The following STARD13 variants were observed in gnomAD, a reference collection of about 807,000 sequenced individuals.
The protein encoded by STARD13 is StAR related lipid transfer domain containing 13, also known as stAR-related lipid transfer protein 13.
In STARD13, 62 loss-of-function variants were observed where a neutral mutation model predicts 106.4. The observed-to-expected ratio is 0.58, with a 90% CI of 0.48 to 0.72. The LOEUF (loss-of-function observed/expected upper bound fraction) is 0.72, where lower values mean the gene tolerates loss of function less well. Ranked by LOEUF, STARD13 falls within the 30% of genes least tolerant of loss-of-function variation. The pLI is 0.00. For synonymous variants in STARD13, 565 were observed against 553.0 expected, an observed-to-expected ratio of 1.02 and a Z score of -0.31; for missense variants, 1,387 against 1,424.0, an observed-to-expected ratio of 0.97 and a Z score of 0.42.
chr13:33,513,178 G>A, the STARD13 span, among the ~76,000 whole-genome samples: 2 of 152,064 alleles, frequency 1.3e-5, no homozygotes, highest in African/African-American at 4.8e-5. Context: ...AGTGAGATAG[G>A]GTAAAGGGTC....
At chr13:33,433,624 GCGT>G in the STARD13 span, among the ~76,000 whole-genome samples, 1 of 152,116 alleles carries the variant, frequency 6.6e-6, no homozygotes. Flanking sequence ...CAGACCTCTT[GCGT>G]TCTGTAGTTT....
chr13:33,523,024 C>G, the STARD13 span, among the ~76,000 whole-genome samples: 3 of 152,086 alleles, frequency 2.0e-5, no homozygotes, highest in Non-Finnish European at 4.4e-5. Flanking sequence ...ATCACGTGTG[C>G]TGAATATTTT....
the STARD13 span, among the ~76,000 whole-genome samples, chr13:33,567,474 C>T: frequency 6.7e-6 from 1 of 148,278 alleles, no homozygotes; most frequent in Non-Finnish European, 1.5e-5. Context: ...AGTGAAATTT[C>T]ATATAATTAA....
chr13:33,446,136 T>G, the STARD13 span, among the ~76,000 whole-genome samples: 1 of 152,186 alleles, frequency 6.6e-6, no homozygotes, highest in African/African-American at 2.4e-5. Context: ...AAACTATCAG[T>G]TGATGAAGAA....
the STARD13 span, among the ~76,000 whole-genome samples, chr13:33,367,243 T>A: frequency 6.6e-6 from 1 of 152,240 alleles, no homozygotes; most frequent in Non-Finnish European, 1.5e-5. Context: ...ACAAAATGTA[T>A]GTTAGACATA....
the STARD13 span, among the ~76,000 whole-genome samples, chr13:33,672,394 T>C: frequency 6.6e-6 from 1 of 152,002 alleles, no homozygotes; most frequent in Non-Finnish European, 1.5e-5. Context: ...GGGAGAGCAT[T>C]AGGACAAACA....
At chr13:33,605,549 G>A in the STARD13 span, among the ~76,000 whole-genome samples, 1 of 151,964 alleles carries the variant, frequency 6.6e-6, no homozygotes, top group Non-Finnish European at 1.5e-5. Context: ...GCTTTAACAG[G>A]TTTTAAGCAC....
chr13:33,554,142 A>G, the STARD13 span, among the ~76,000 whole-genome samples: 3 of 152,180 alleles, frequency 2.0e-5, no homozygotes, highest in Non-Finnish European at 2.9e-5. Flanking sequence ...AGCTATAATA[A>G]TTAAAATAGT....
At chr13:33,419,904 G>A in the STARD13 span, among the ~76,000 whole-genome samples, 1 of 152,174 alleles carries the variant, frequency 6.6e-6, no homozygotes, top group East Asian at 1.9e-4. Context: ...ACAAGCAAAT[G>A]CTGAGAGATT....
chr13:33,145,494 A>G (rs1028080123), intron 3 of STARD13, among the ~76,000 whole-genome samples: 7 of 151,942 alleles, frequency 4.6e-5, no homozygotes, highest in African/African-American at 1.7e-4. Flanking sequence ...TGCAAGATAA[A>G]AGAAATCACA....
the STARD13 span, among the ~76,000 whole-genome samples, chr13:33,404,260 CT>C: frequency 6.6e-6 from 1 of 152,194 alleles, no homozygotes; most frequent in African/African-American, 2.4e-5. Flanking sequence ...AACTGGATTT[CT>C]GCTGGCATAA....
At chr13:33,491,863 T>A in the STARD13 span, among the ~76,000 whole-genome samples, 1 of 152,208 alleles carries the variant, frequency 6.6e-6, no homozygotes, top group Admixed American at 6.5e-5. Context: ...TTGAATGTTT[T>A]CACTCGCGTC....
intron 1 of STARD13, among the ~76,000 whole-genome samples, chr13:33,337,591 T>C (rs9537249): frequency 0.73 from 111,612 of 152,122 alleles, 41,780 homozygotes; most frequent in East Asian, 0.97. Flanking sequence ...TAAAATAAAA[T>C]AAACACTTTC....
At chr13:33,176,327 C>T (rs1251458229) in intron 1 of STARD13, among the ~76,000 whole-genome samples, 16 of 152,222 alleles carry the variant, frequency 1.1e-4, no homozygotes, top group East Asian at 3.9e-4. Flanking sequence ...GATTTTTCAA[C>T]GTGTCTTTGC....
At position 33,285,660 on chromosome 13, in the gene STARD13, A is replaced by G; in HGVS notation, c.-22T>C. 1 of 1,610,474 alleles carries G rather than the reference A, an allele frequency of 6.2e-7. No homozygotes were observed. Among genetic ancestry groups the G allele is most frequent in the Non-Finnish European group, 8.5e-7 (1 of 1,178,994 alleles). ...ACATCTCGGCAGATTTCCTATTGCC[A>G]CCTCAGTCTGCCTGTGGCTGTTGCC... On this transcript the variant is annotated 5_prime_UTR_variant, in exon 1 of 14. Coordinates refer to ENST00000336934, the MANE Select transcript of STARD13 (RefSeq NM_178006.4).
At chr13:33,249,339 C>G (rs1276802954) in intron 1 of STARD13, among the ~76,000 whole-genome samples, 1 of 152,220 alleles carries the variant, frequency 6.6e-6, no homozygotes, top group Non-Finnish European at 1.5e-5. Context: ...CTTGACCTTA[C>G]TTCTTCATTT....
chr13:33,499,600 CTTCTTTCTTCTTCTTCTTCTTCTT>C, the STARD13 span, among the ~76,000 whole-genome samples: 7 of 65,826 alleles, frequency 1.1e-4, no homozygotes, highest in East Asian at 4.7e-4. Flanking sequence ...TCTTCTTCTT[CTTCTTTCTTCTTCTTCTTCTTCTT>C]CTTCTTCTTC....
chr13:33,103,654 G>A lies in STARD13; in HGVS notation c.*1939C>T, dbSNP rs1873351497. 6.6e-6 allele frequency: 1 copy of A among 152,652 alleles called. No homozygotes were observed. The highest frequency in any genetic ancestry group is 2.1e-4 in the South Asian group (1 of 4,828). The allele number at this position is 152,652 out of a possible 1,614,324, so 9.5% of individuals were successfully genotyped here. On this transcript the variant is annotated 3_prime_UTR_variant, in exon 14 of 14. Coordinates refer to ENST00000336934, the MANE Select transcript of STARD13 (RefSeq NM_178006.4). Reference sequence around the variant, plus strand: ...TTCACAAGATCCCCAGGCAATTCATGTGCATGTGAAATCTGGACAAGCACC... The same window carrying A: ...TTCACAAGATCCCCAGGCAATTCATATGCATGTGAAATCTGGACAAGCACC...
chr13:33,313,072 C>A (rs1325343169), intron 1 of STARD13, among the ~76,000 whole-genome samples: 1 of 152,172 alleles, frequency 6.6e-6, no homozygotes, highest in Non-Finnish European at 1.5e-5. Context: ...GCCAGTTTTG[C>A]TGTTGGATAT....
Sources: gnomAD v4.1 joint callset for allele counts (sites outside exome capture counted in the v4.1 genomes callset) on GRCh38, gnomAD v4.1.1 for gene constraint, MANE v1.5 for transcripts, NCBI Gene and HGNC (gene_info 2026-07-23, HGNC 2026-07-21) for gene names.